PTDSS1: variants seen among roughly 807,000 people sequenced by gnomAD.
The protein encoded by PTDSS1 is PSS-1.
PTDSS1 carries 45 observed loss-of-function variants against 70.5 expected under a neutral mutation model. The observed-to-expected ratio is 0.64, with a 90% CI of 0.50 to 0.82. PTDSS1 has a LOEUF of 0.82. PTDSS1 is among the 40% of genes least tolerant of loss of function. PTDSS1 has a pLI of 0.00. For synonymous variants in PTDSS1, 188 were observed against 203.8 expected (o/e 0.92, Z 0.66); for missense variants, 417 against 586.1 (o/e 0.71, Z 2.98).
chr8:96,333,662 G>A lies in PTDSS1; in HGVS notation c.*96G>A. 1 of 1,202,264 alleles carries A rather than the reference G, an allele frequency of 8.3e-7. No homozygotes were observed. The highest frequency in any genetic ancestry group is 1.2e-6 in the Non-Finnish European group (1 of 810,776). 74.5% of individuals were successfully genotyped at this position (1,202,264 alleles called of 1,614,324 possible). A position where few individuals can be genotyped will look rare whatever the true frequency, so the allele number is the denominator to read the frequency against. ...CCCCGTGAGGAGGTCGAGGCGCACA[G>A]GGCAAGCAGGAAGAGGCGAGGGCAC... On this transcript the variant is annotated 3_prime_UTR_variant, in exon 13 of 13. Coordinates refer to ENST00000517309, the MANE Select transcript of PTDSS1 (RefSeq NM_014754.3).
chr8:96,269,596 T>C (rs1208242562), intron 1 of PTDSS1, among the ~76,000 whole-genome samples: 2 of 152,130 alleles, frequency 1.3e-5, no homozygotes, highest in Admixed American at 1.3e-4. Context: ...GTCATGATCT[T>C]TCCTGAGAAG....
chr8:96,293,934 T>G (rs998209466), intron 4 of PTDSS1, among the ~76,000 whole-genome samples: 51 of 152,226 alleles, frequency 3.4e-4, no homozygotes, highest in African/African-American at 1.2e-3. Context: ...CAGCCTGTGA[T>G]TCTCTGTGAC....
intron 9 of PTDSS1, among the ~76,000 whole-genome samples, chr8:96,317,747 CA>C (rs1213278696): frequency 7.8e-6 from 1 of 127,434 alleles, no homozygotes; most frequent in Non-Finnish European, 1.8e-5. Flanking sequence ...AAAATTAAAA[CA>C]AAAAAACAGA....
At chr8:96,287,189 T>C (rs1340761674) in intron 4 of PTDSS1, 43 bp downstream of exon 4, 5 of 1,604,842 alleles carry the variant, frequency 3.1e-6, no homozygotes, top group Non-Finnish European at 4.3e-6. Flanking sequence ...TCGTAGACTC[T>C]TTCTTGGGTG....
intron 9 of PTDSS1, among the ~76,000 whole-genome samples, chr8:96,311,715 A>C (rs1811214788): frequency 6.6e-6 from 1 of 152,174 alleles, no homozygotes; most frequent in Non-Finnish European, 1.5e-5. Context: ...TTCTTACCCA[A>C]AGTGGTTTGT....
intron 9 of PTDSS1, among the ~76,000 whole-genome samples, chr8:96,311,639 C>T (rs1030746106): frequency 6.6e-6 from 1 of 152,114 alleles, no homozygotes; most frequent in South Asian, 2.1e-4. Context: ...CAGGTTCCTC[C>T]CGACCCTTAG....
intron 8 of PTDSS1, among the ~76,000 whole-genome samples, chr8:96,307,145 T>A (rs770114505): frequency 6.6e-5 from 10 of 151,974 alleles, no homozygotes; most frequent in Non-Finnish European, 1.3e-4. Context: ...CCCAGTGCAG[T>A]TCAAAGCAAG....
At chr8:96,272,891 T>G (rs1415010528) in intron 1 of PTDSS1, among the ~76,000 whole-genome samples, 1 of 152,142 alleles carries the variant, frequency 6.6e-6, no homozygotes, top group Non-Finnish European at 1.5e-5. Flanking sequence ...TCCTGGAAAT[T>G]GGATGTTGAG....
intron 1 of PTDSS1, among the ~76,000 whole-genome samples, chr8:96,269,566 T>C (rs983079371): frequency 1.3e-5 from 2 of 152,106 alleles, no homozygotes; most frequent in African/African-American, 4.8e-5. Flanking sequence ...AAGATGAGGA[T>C]TGGGCAGCCC....
At chr8:96,323,151 C>G (rs540448324) in intron 10 of PTDSS1, among the ~76,000 whole-genome samples, 2 of 152,326 alleles carry the variant, frequency 1.3e-5, no homozygotes, top group South Asian at 4.1e-4. Context: ...AGTTGGGCCC[C>G]CAGGCCTGGC....
intron 4 of PTDSS1, among the ~76,000 whole-genome samples, chr8:96,290,891 TAAATATTATAAACATTTATA>T (rs1261502128): frequency 2.0e-5 from 3 of 147,928 alleles, no homozygotes; most frequent in Non-Finnish European, 4.5e-5. Context: ...ATATATATTA[TAAATATTATAAACATTTATA>T]AAATATTATA....
Position 96,273,380 on chromosome 8 carries a change from T to G in PTDSS1, c.261T>G (p.Ala87=), listed in dbSNP as rs1192257164. ...TCTTTCTTATCATCAGTGTGTTAGC[T>G]TTCCCCAATGGTAAGTAATGTCATG... The part of the protein sequence containing the change: ...IFFFLIISVL[A]FPNGPFTRPH... Residue 87 remains alanine, a synonymous_variant, in exon 2 of 13, where the codon GCT becomes GCG. Coordinates refer to ENST00000517309, the MANE Select transcript of PTDSS1 (RefSeq NM_014754.3). 2 of 1,610,152 alleles carry G rather than the reference T, an allele frequency of 1.2e-6. No homozygotes were observed. The highest frequency in any genetic ancestry group is 1.3e-5 in the African/African-American group (1 of 74,792).
intron 1 of PTDSS1, among the ~76,000 whole-genome samples, chr8:96,265,412 G>A (rs927377145): frequency 1.6e-4 from 24 of 152,156 alleles, no homozygotes; most frequent in Non-Finnish European, 3.2e-4. Flanking sequence ...TTGTCAAGTA[G>A]TTCTTTTGTT....
At chr8:96,274,912 C>T (rs1168996826) in intron 2 of PTDSS1, among the ~76,000 whole-genome samples, 2 of 152,064 alleles carry the variant, frequency 1.3e-5, no homozygotes, top group East Asian at 3.9e-4. Context: ...TTCTACATAG[C>T]CAAGTTATTT....
At chr8:96,293,236 T>C (rs1190859433) in intron 4 of PTDSS1, among the ~76,000 whole-genome samples, 1 of 152,234 alleles carries the variant, frequency 6.6e-6, no homozygotes, top group Non-Finnish European at 1.5e-5. Context: ...TTTCAAAAGC[T>C]ATTATTATGG....
At chr8:96,303,626 TG>T (rs1198084504) in intron 6 of PTDSS1, among the ~76,000 whole-genome samples, 2 of 152,184 alleles carry the variant, frequency 1.3e-5, no homozygotes, top group Admixed American at 1.3e-4. Context: ...AGTTCTTTCA[TG>T]GGTGTGTGAA....
chr8:96,329,891 T>A lies in PTDSS1; in HGVS notation c.1174-322T>A, dbSNP rs115671537. On this transcript the variant is annotated intron_variant, in intron 10 of 12. Transcript: ENST00000517309. ...TGAAAATCAGAACTAGAACATAGAA[T>A]CCTCTCTATCTTCTTCAACAGAACC... 4.9e-3 allele frequency among the ~76,000 whole-genome samples: 739 copies of A among 152,198 alleles called. 6 individuals carry two copies. The highest frequency in any genetic ancestry group is 0.017 in the African/African-American group (697 of 41,532).
At chr8:96,287,180 C>T (rs773331534) in intron 4 of PTDSS1, 34 bp downstream of exon 4, 38 of 1,609,968 alleles carry the variant, frequency 2.4e-5, no homozygotes, top group African/African-American at 4.0e-5. Context: ...TGGAGAAACT[C>T]GTAGACTCTT....
chr8:96,293,292 C>T (rs1586193622), intron 4 of PTDSS1, among the ~76,000 whole-genome samples: 2 of 152,230 alleles, frequency 1.3e-5, no homozygotes. Context: ...CATAAAAGAA[C>T]AACCTGGGGA....
Sources: gnomAD v4.1 joint callset for allele counts (sites outside exome capture counted in the v4.1 genomes callset) on GRCh38, gnomAD v4.1.1 for gene constraint, MANE v1.5 for transcripts, NCBI Gene and HGNC (gene_info 2026-07-23, HGNC 2026-07-21) for gene names.